KANK4: variants seen among roughly 807,000 people sequenced by gnomAD.
KANK4 encodes KN motif and ankyrin repeat domains 4, also known as KN motif and ankyrin repeat domain-containing protein 4.
A neutral mutation model predicts 80.8 loss-of-function variants in KANK4; 50 were observed. The ratio of observed to expected loss-of-function variants is 0.62; its 90% CI spans 0.49 to 0.78. KANK4 has a LOEUF of 0.78. Ranked by LOEUF, KANK4 falls within the 30% of genes least tolerant of loss-of-function variation. The probability of loss-of-function intolerance (pLI) is 0.00; values close to 1 mark genes in which losing one functional copy is unlikely to be tolerated. For synonymous variants in KANK4, 465 were observed against 506.9 expected, an observed-to-expected ratio of 0.92 and a Z score of 1.11; for missense variants, 1,196 against 1,240.1, an observed-to-expected ratio of 0.96 and a Z score of 0.53.
In KANK4 at chr1:62,238,293, C is replaced by T. The variant is rs1279033849; in HGVS notation, c.2972G>A (p.Arg991Lys). 1.2e-6 allele frequency: 2 copies of T among 1,613,402 alleles called. No individual in the cohort carries two copies. The highest frequency in any genetic ancestry group is 1.7e-6 in the Non-Finnish European group (2 of 1,179,476). The change falls in exon 10 of 10, where the codon AGG (arginine) becomes AAG (lysine). Residue 991 changes from arginine (R) to lysine (K), a missense_variant. This residue lies in a region of KANK4 where 1,154 missense variants were observed against 1,179.6 expected (regional missense o/e 0.98). Transcript: ENST00000371153. ...CTGCAGCCCCTACAGCCCCAGGGAC[C>T]TGCCCTGCTCCGCGTGGGCTCTCAG... Reference protein sequence around the residue: ...GLLRAHAEQGRSLGL With the variant: ...GLLRAHAEQGKSLGL
chr1:62,310,993 T>C (rs1644493148), intron 1 of KANK4, among the ~76,000 whole-genome samples: 1 of 152,056 alleles, frequency 6.6e-6, no homozygotes, highest in Non-Finnish European at 1.5e-5. Flanking sequence ...CTGTCATCAC[T>C]CCTGCAGACT....
At chr1:62,309,000 C>G (rs548668931) in intron 1 of KANK4, among the ~76,000 whole-genome samples, 1 of 152,316 alleles carries the variant, frequency 6.6e-6, no homozygotes, top group South Asian at 2.1e-4. Context: ...ATCCTCACCT[C>G]CAGGATAACT....
intron 1 of KANK4, among the ~76,000 whole-genome samples, chr1:62,306,907 A>T (rs1644456095): frequency 6.6e-6 from 1 of 152,134 alleles, no homozygotes; most frequent in African/African-American, 2.4e-5. Flanking sequence ...ACACAAACAC[A>T]CAGAAACATT....
rs550279933 is a variant in KANK4 at position 62,266,380 on chromosome 1, C to G, written c.2319+352G>C. 2.0e-5 allele frequency among the ~76,000 whole-genome samples: 3 copies of G among 151,976 alleles called. No individual in the cohort carries two copies. In the South Asian group the frequency reaches 6.2e-4, roughly 32 times the overall value. Reference sequence around the variant, plus strand: ...ACACACCACTGCTTCACACTGTGCACTGTACACTCACACCACTGCCTCACA... The same window carrying G: ...ACACACCACTGCTTCACACTGTGCAGTGTACACTCACACCACTGCCTCACA... On this transcript the variant is annotated intron_variant, in intron 6 of 9. Transcript: ENST00000371153.
At chr1:62,249,477 C>T (rs1340265170) in intron 8 of KANK4, among the ~76,000 whole-genome samples, 1 of 151,230 alleles carries the variant, frequency 6.6e-6, no homozygotes, top group South Asian at 2.1e-4. Context: ...CTCCTGGGCT[C>T]AAGTGATCCT....
At chr1:62,239,326 C>A (rs1432994846) in intron 9 of KANK4, among the ~76,000 whole-genome samples, 1 of 152,062 alleles carries the variant, frequency 6.6e-6, no homozygotes, top group Non-Finnish European at 1.5e-5. Context: ...TCTTACATAG[C>A]CATTATAATG....
At position 62,274,660 on chromosome 1, in the gene KANK4, G is replaced by C. The variant is rs567649436; in HGVS notation, c.444C>G (p.Ala148=). The C allele has an allele frequency of 1.4e-5, 23 of 1,614,078 alleles. No homozygotes were observed. Among genetic ancestry groups the C allele is most frequent in the Non-Finnish European group, 1.9e-5 (22 of 1,180,034 alleles). Residue 148 remains alanine (A), a synonymous_variant, in exon 3 of 10, where the codon GCC becomes GCG. Coordinates refer to ENST00000371153, the MANE Select transcript of KANK4 (RefSeq NM_181712.5). ...GCCGTCCACTCCCAAAAGTGAGCTCGGCATCCTCTGGCTCAGCAGCTTCCA... is the reference window on the plus strand; with the variant it reads ...GCCGTCCACTCCCAAAAGTGAGCTCCGCATCCTCTGGCTCAGCAGCTTCCA... ...RQLEAAEPED[A]ELTFGSGRPQ... is the part of the protein sequence containing the mutation.
At chr1:62,279,609 A>T (rs938377513) in intron 2 of KANK4, among the ~76,000 whole-genome samples, 9 of 152,200 alleles carry the variant, frequency 5.9e-5, no homozygotes, top group Admixed American at 5.2e-4. Context: ...TCCATTTGTA[A>T]AGTGGAGATA....
chr1:62,249,163 C>CAAAAA (rs10695105), intron 8 of KANK4, among the ~76,000 whole-genome samples: 56,668 of 135,832 alleles, frequency 0.42, 12,323 homozygotes, highest in East Asian at 0.68. Context: ...AAATCTGTCT[C>CAAAAA]AAAAAAAAAA....
In KANK4 at chr1:62,274,855, A is replaced by G; in HGVS notation, c.249T>C (p.Pro83=). 1 of 1,614,042 alleles carries G rather than the reference A, an allele frequency of 6.2e-7. No individual in the cohort carries two copies. Among genetic ancestry groups the G allele is most frequent in the Admixed American group, 1.7e-5 (1 of 60,022 alleles). ...ACCAGTTTTGGAGGGGCGGGGCTGCAGGGGGGCGAGCCCCACTGTCAGGAA... is the reference window on the plus strand; with the variant it reads ...ACCAGTTTTGGAGGGGCGGGGCTGCGGGGGGGCGAGCCCCACTGTCAGGAA... ...FSLPDSGARP[P]AAPPLQNWSP... Residue 83 remains proline (P), a synonymous_variant, in exon 3 of 10, where the codon CCT becomes CCC. Transcript: ENST00000371153.
intron 1 of KANK4, among the ~76,000 whole-genome samples, chr1:62,301,729 G>T (rs974760890): frequency 2.6e-5 from 4 of 152,064 alleles, no homozygotes; most frequent in Non-Finnish European, 4.4e-5. Flanking sequence ...GGATTACACA[G>T]ATGAATTGGG....
At chr1:62,243,218 C>A (rs1211891471) in intron 9 of KANK4, among the ~76,000 whole-genome samples, 1 of 152,222 alleles carries the variant, frequency 6.6e-6, no homozygotes, top group African/African-American at 2.4e-5. Flanking sequence ...GGTCCTCAGC[C>A]TGGCCTGGCT....
chr1:62,314,316 A>G (rs556370270), intron 1 of KANK4, among the ~76,000 whole-genome samples: 2 of 152,084 alleles, frequency 1.3e-5, no homozygotes. Context: ...CCCAGCCTCC[A>G]TTCTGTCTTT....
chr1:62,256,278 TA>T (rs1191305808), intron 7 of KANK4, among the ~76,000 whole-genome samples: 1 of 152,202 alleles, frequency 6.6e-6, no homozygotes, highest in Non-Finnish European at 1.5e-5. Context: ...GTATTCATTG[TA>T]AAAATATGGT....
chr1:62,316,283 C>T, intron 1 of KANK4, among the ~76,000 whole-genome samples: 1 of 152,186 alleles, frequency 6.6e-6, no homozygotes, highest in South Asian at 2.1e-4. Flanking sequence ...AGGGAGAGGG[C>T]CCATCTGTCT....
In KANK4 at chr1:62,274,306, A is replaced by G. The variant is rs1261533785; in HGVS notation, c.798T>C (p.Asp266=). 8 of 1,614,044 alleles carry G rather than the reference A, an allele frequency of 5.0e-6. No homozygotes were observed. Among genetic ancestry groups the G allele is most frequent in the Middle Eastern group, 1.6e-4 (1 of 6,084 alleles). Reference sequence around the variant, plus strand: ...CCTCTGCTTCTCTGGCATTGTGTTCATCTTCCTTGTCCTCTAGAACTACAA... The same window carrying G: ...CCTCTGCTTCTCTGGCATTGTGTTCGTCTTCCTTGTCCTCTAGAACTACAA... ...NVLVVLEDKE[D]EHNAREAEVL... Residue 266 remains aspartate, a synonymous_variant, in exon 3 of 10, where the codon GAT becomes GAC. Transcript: ENST00000371153.
intron 7 of KANK4, among the ~76,000 whole-genome samples, chr1:62,259,728 TATTC>T (rs1671833857): frequency 6.7e-6 from 1 of 148,572 alleles, no homozygotes; most frequent in Admixed American, 6.7e-5. Context: ...GAAATAATTA[TATTC>T]ATTATTATAT....
rs779003420 is a variant in KANK4 at position 62,245,177 on chromosome 1, TC to T, written c.2883+2294del. ...TTCCAGATTAAGGGCTGCCTCCTTC[TC>T]CCCCAGGACAACCCAGCAGGGAGCT... On this transcript the variant is annotated intron_variant, in intron 9 of 9. Coordinates refer to ENST00000371153, the MANE Select transcript of KANK4 (RefSeq NM_181712.5). Among the ~76,000 whole-genome samples the T allele has an allele frequency of 1.0e-3, 156 of 152,254 alleles. 1 individual carries two copies. The highest frequency in any genetic ancestry group is 6.8e-3 in the Middle Eastern group (2 of 294).
chr1:62,241,221 C>T (rs924735238), intron 9 of KANK4, among the ~76,000 whole-genome samples: 25 of 152,112 alleles, frequency 1.6e-4, no homozygotes, highest in Admixed American at 1.6e-3. Context: ...AGGGCTCCCA[C>T]GCATGCAAAT....
Sources: gnomAD v4.1 joint callset for allele counts (sites outside exome capture counted in the v4.1 genomes callset) on GRCh38, gnomAD v4.1.1 for gene constraint, gnomAD v4.1.1 regional missense constraint, MANE v1.5 for transcripts, NCBI Gene and HGNC (gene_info 2026-07-23, HGNC 2026-07-21) for gene names.